ATP6V0A1: variants seen among roughly 807,000 people sequenced by gnomAD.
ATP6V0A1 encodes V-type proton ATPase 116 kDa subunit a 1.
A neutral mutation model predicts 105.4 loss-of-function variants in ATP6V0A1; 43 were observed. The ratio of observed to expected loss-of-function variants is 0.41; its 90% CI spans 0.32 to 0.53. ATP6V0A1 has a LOEUF of 0.53. ATP6V0A1 is among the 20% of genes least tolerant of loss of function. ATP6V0A1 has a pLI of 0.30. For synonymous variants in ATP6V0A1, 362 were observed against 372.8 expected (o/e 0.97, Z 0.33); for missense variants, 676 against 1,051.1 (o/e 0.64, Z 4.93).
intron 21 of ATP6V0A1, among the ~76,000 whole-genome samples, chr17:42,514,922 G>A (rs2092541615): frequency 6.6e-6 from 1 of 152,156 alleles, no homozygotes; most frequent in Admixed American, 6.5e-5. Flanking sequence ...AGGGGTCTTT[G>A]AGTTGGACCC....
intron 5 of ATP6V0A1, among the ~76,000 whole-genome samples, chr17:42,476,507 C>G (rs1381628655): frequency 6.6e-6 from 1 of 152,120 alleles, no homozygotes; most frequent in East Asian, 1.9e-4. Context: ...CTGGTTTACT[C>G]CTAGTTTTTG....
chr17:42,491,488 A>T (rs549854182), intron 11 of ATP6V0A1, among the ~76,000 whole-genome samples: 109 of 133,842 alleles, frequency 8.1e-4, no homozygotes, highest in African/African-American at 2.7e-3. Flanking sequence ...TTTTTTTTTT[A>T]TTTTTTTTAG....
At chr17:42,495,766 C>A in intron 14 of ATP6V0A1, 50 bp downstream of exon 14, 1 of 1,422,592 alleles carries the variant, frequency 7.0e-7, no homozygotes, top group Non-Finnish European at 9.9e-7. Flanking sequence ...TTAACACTAA[C>A]CCTGAAGCAA....
intron 1 of ATP6V0A1, among the ~76,000 whole-genome samples, chr17:42,459,480 G>C (rs934856816): frequency 6.6e-6 from 1 of 152,228 alleles, no homozygotes; most frequent in Non-Finnish European, 1.5e-5. Flanking sequence ...TGATCGTCCA[G>C]AACTACTTTG....
chr17:42,500,453 G>C (rs565515768), intron 15 of ATP6V0A1, among the ~76,000 whole-genome samples: 1 of 152,302 alleles, frequency 6.6e-6, no homozygotes, highest in Admixed American at 6.5e-5. Flanking sequence ...TGTACTCCAG[G>C]CTGGGTAGCA....
chr17:42,510,031 G>A (rs1033329544), intron 19 of ATP6V0A1: 1 of 150,740 alleles, frequency 6.6e-6, no homozygotes, highest in Non-Finnish European at 1.5e-5. Context: ...ATTTTGCTTG[G>A]CTGTGAAAAT....
chr17:42,484,309 G>A (rs935446418), intron 9 of ATP6V0A1, among the ~76,000 whole-genome samples: 6 of 151,418 alleles, frequency 4.0e-5, no homozygotes, highest in Non-Finnish European at 8.8e-5. Flanking sequence ...TGCCTGCCTC[G>A]GTCTCCCAAA....
At position 42,471,996 on chromosome 17, in the gene ATP6V0A1, C is replaced by A. The variant is rs73297614; in HGVS notation, c.423+1778C>A. 9.4e-3 allele frequency among the ~76,000 whole-genome samples: 1,409 copies of A among 150,282 alleles called. 31 individuals are homozygous for A. Among genetic ancestry groups the A allele is most frequent in the African/African-American group, 0.033 (1,335 of 40,948 alleles). The stretch of plus-strand genomic sequence containing the variant: ...GTTCAATGTGCCTTCCCATAAAGTT[C>A]TTTCATTCCTTTGCTCAACAAGAAA... On this transcript the variant is annotated intron_variant, in intron 5 of 21. Transcript: ENST00000343619.
At position 42,521,546 on chromosome 17, in the gene ATP6V0A1, G is replaced by C. The variant is rs2092832740; in HGVS notation, c.*426G>C. 6.5e-6 allele frequency: 1 copy of C among 153,886 alleles called. No homozygotes were observed. Among genetic ancestry groups the C allele is most frequent in the Non-Finnish European group, 1.4e-5 (1 of 69,154 alleles). The allele number at this position is 153,886 out of a possible 1,614,324, so 9.5% of individuals were successfully genotyped here. On this transcript the variant is annotated 3_prime_UTR_variant, in exon 22 of 22. Coordinates refer to ENST00000343619, the MANE Select transcript of ATP6V0A1 (RefSeq NM_001130021.3). This position sits in a 1 kb window ranked among gnomAD's most constrained non-coding sequence, Gnocchi z 4.8. ...GTTTCTAGCAGGAGTAGTGGGGGGA[G>C]TAATACAGATTCTTCCCTAGAAGGG...
intron 15 of ATP6V0A1, among the ~76,000 whole-genome samples, chr17:42,499,821 G>A (rs2091518337): frequency 6.6e-6 from 1 of 151,700 alleles, no homozygotes; most frequent in Non-Finnish European, 1.5e-5. Context: ...TCTTAAATTA[G>A]ACTTAATATT....
intron 2 of ATP6V0A1, among the ~76,000 whole-genome samples, chr17:42,463,987 G>C (rs1255623517): frequency 2.6e-5 from 4 of 152,128 alleles, no homozygotes; most frequent in Admixed American, 2.6e-4. Context: ...TTTATGTTGA[G>C]GAGGCTGAGG....
At chr17:42,516,313 A>C (rs2146334177) in intron 21 of ATP6V0A1, among the ~76,000 whole-genome samples, 1 of 152,176 alleles carries the variant, frequency 6.6e-6, no homozygotes, top group Admixed American at 6.5e-5. Flanking sequence ...GCGGAGAGTG[A>C]GGCATGGAAG....
intron 5 of ATP6V0A1, among the ~76,000 whole-genome samples, chr17:42,472,749 C>G (rs1481991302): frequency 6.6e-6 from 1 of 152,126 alleles, no homozygotes; most frequent in African/African-American, 2.4e-5. Context: ...TTTTAACTGC[C>G]TCATCTCAGA....
intron 14 of ATP6V0A1, among the ~76,000 whole-genome samples, chr17:42,498,334 T>C (rs937479392): frequency 1.3e-5 from 2 of 152,160 alleles, no homozygotes; most frequent in African/African-American, 2.4e-5. Flanking sequence ...TTTTTAGTAA[T>C]GTGGAGATGA....
chr17:42,485,207 C>CTAT (rs2089984137), intron 9 of ATP6V0A1, among the ~76,000 whole-genome samples: 1 of 152,104 alleles, frequency 6.6e-6, no homozygotes, highest in Admixed American at 6.6e-5. Flanking sequence ...CCAACCTGAC[C>CTAT]TATTGCTGGC....
chr17:42,506,558 G>A (rs922740149), intron 17 of ATP6V0A1, among the ~76,000 whole-genome samples: 3 of 152,254 alleles, frequency 2.0e-5, no homozygotes, highest in African/African-American at 7.2e-5. Flanking sequence ...CAGGAGAGCT[G>A]CCCTTGAGCT....
rs546965672 is a variant in ATP6V0A1 at position 42,499,661 on chromosome 17, A to G, written c.1679+619A>G. Reference sequence around the variant, plus strand: ...AAATTAGCCGGGTGTGGTGGCGTGCACCTGTAATCCCAGCTACTCTGGTGG... The same window carrying G: ...AAATTAGCCGGGTGTGGTGGCGTGCGCCTGTAATCCCAGCTACTCTGGTGG... On this transcript the variant is annotated intron_variant, in intron 15 of 21. Transcript: ENST00000343619. Among the ~76,000 whole-genome samples, 255 of 137,032 alleles carry G rather than the reference A, an allele frequency of 1.9e-3. 1 individual carries two copies. The highest frequency in any genetic ancestry group is 3.4e-3 in the Non-Finnish European group (212 of 63,054). The allele number at this position is 137,032 out of a possible 152,430, so 89.9% of individuals were successfully genotyped here.
At position 42,460,911 on chromosome 17, in the gene ATP6V0A1, G is replaced by T. The variant is rs144263882; in HGVS notation, c.17G>T (p.Arg6Leu). The change falls in exon 2 of 22, where the codon CGG (arginine) becomes CTG (leucine). Residue 6 changes from arginine (R) to leucine (L), a missense_variant. Around this residue, in one of 3 missense-constraint regions of ATP6V0A1, gnomAD observed 239 missense variants for 388.4 expected, o/e 0.62. Coordinates refer to ENST00000343619, the MANE Select transcript of ATP6V0A1 (RefSeq NM_001130021.3). ...TCTGCCACCATGGGGGAGCTTTTCCGGAGTGAAGAAATGACACTGGCCCAG... is the reference window on the plus strand; with the variant it reads ...TCTGCCACCATGGGGGAGCTTTTCCTGAGTGAAGAAATGACACTGGCCCAG... The part of the protein sequence containing the change: MGELF[R>L]SEEMTLAQLF... The T allele has an allele frequency of 6.2e-7, 1 of 1,613,988 alleles. No homozygotes were observed. Among genetic ancestry groups the T allele is most frequent in the Non-Finnish European group, 8.5e-7 (1 of 1,179,900 alleles).
At chr17:42,520,954 GCCCAACTGTGAAGT>G in intron 21 of ATP6V0A1, 59 bp from the exon 22 acceptor site, 1 of 1,364,896 alleles carries the variant, frequency 7.3e-7, no homozygotes, top group Non-Finnish European at 1.0e-6. Flanking sequence ...CATCTTTCCT[GCCCAACTGTGAAGT>G]CCTAAAAAGC....
Sources: gnomAD v4.1 joint callset for allele counts (sites outside exome capture counted in the v4.1 genomes callset) on GRCh38, gnomAD v4.1.1 for gene constraint, gnomAD v4.1.1 regional missense constraint, Gnocchi (gnomAD v3.1) non-coding constraint, MANE v1.5 for transcripts, NCBI Gene and HGNC (gene_info 2026-07-23, HGNC 2026-07-21) for gene names.